JAKMIP1: variants seen among roughly 807,000 people sequenced by gnomAD.
JAKMIP1 encodes janus kinase and microtubule-interacting protein 1.
Under a neutral mutation model 113.0 loss-of-function variants are expected in JAKMIP1, and 33 were observed. That is an observed-to-expected ratio of 0.29 (90% CI 0.22 to 0.39). JAKMIP1 has a LOEUF of 0.39. JAKMIP1 is among the 10% of genes least tolerant of loss of function. The pLI, the probability that JAKMIP1 is intolerant of heterozygous loss-of-function variation, is 1.00. For synonymous variants in JAKMIP1, 480 were observed against 459.9 expected, an observed-to-expected ratio of 1.04 and a Z score of -0.56; for missense variants, 813 against 1,080.5, an observed-to-expected ratio of 0.75 and a Z score of 3.47.
intron 1 of JAKMIP1, among the ~76,000 whole-genome samples, chr4:6,165,798 C>T (rs187138941): frequency 2.6e-5 from 4 of 152,300 alleles, no homozygotes; most frequent in African/African-American, 9.6e-5. Context: ...TAAGGTCAGC[C>T]TGTACCACAA....
At chr4:6,029,900 C>A (rs997264087) in intron 19 of JAKMIP1, 119 bp from the exon 20 acceptor site, 2 of 721,160 alleles carry the variant, frequency 2.8e-6, no homozygotes, top group African/African-American at 1.8e-5. Flanking sequence ...CTGTGGGCAG[C>A]CTGATGAGCT....
chr4:6,132,353 A>G (rs1400385196), intron 1 of JAKMIP1, among the ~76,000 whole-genome samples: 2 of 152,208 alleles, frequency 1.3e-5, no homozygotes, highest in Non-Finnish European at 2.9e-5. Context: ...TTAAAACCAC[A>G]GAAGGCAGCT....
rs552477132 is a variant in JAKMIP1, at chr4:6,180,512, C to A, written c.-148+19741G>T. On this transcript the variant is annotated intron_variant, in intron 1 of 20. Coordinates refer to ENST00000409021, the MANE Select transcript of JAKMIP1 (RefSeq NM_001099433.2). This position sits in a 1 kb window ranked among gnomAD's most constrained non-coding sequence, Gnocchi z 4.5. ...CCATAACAACACAGACACCCCTCTCCCATCAGATAATTTACTACAATTCAA... is the reference window on the plus strand; with the variant it reads ...CCATAACAACACAGACACCCCTCTCACATCAGATAATTTACTACAATTCAA... 9.2e-5 allele frequency among the ~76,000 whole-genome samples: 14 copies of A among 152,296 alleles called. No individual in the cohort carries two copies. Among genetic ancestry groups the A allele is most frequent in the African/African-American group, 3.4e-4 (14 of 41,562 alleles).
chr4:6,191,442 G>A (rs1727246887), intron 1 of JAKMIP1, among the ~76,000 whole-genome samples: 1 of 152,248 alleles, frequency 6.6e-6, no homozygotes, highest in South Asian at 2.1e-4. Context: ...GTAAGCTGCT[G>A]TGGGCAAAGA....
chr4:6,033,202 G>C (rs888138609), intron 19 of JAKMIP1, among the ~76,000 whole-genome samples: 13 of 152,196 alleles, frequency 8.5e-5, no homozygotes, highest in African/African-American at 2.9e-4. Flanking sequence ...CTGGGCAGGG[G>C]ACATCACTGC....
At chr4:6,159,915 T>C (rs1049505806) in intron 1 of JAKMIP1, among the ~76,000 whole-genome samples, 4 of 152,322 alleles carry the variant, frequency 2.6e-5, no homozygotes, top group Admixed American at 1.3e-4. Context: ...TCATACCTGC[T>C]GTAGGGAAAG....
rs1297401199 is a variant in JAKMIP1, at chr4:6,081,043, G to A, written c.1101+566C>T. On this transcript the variant is annotated intron_variant, in intron 6 of 20. Transcript: ENST00000409021. The surrounding 1 kb of genome is among the most constrained non-coding windows in gnomAD (Gnocchi z 4.6). ...CATCTGCTACAGTGCAGACAGCAGAGCATGTGTGGTGACAGAGCCTCCGTC... is the reference window on the plus strand; with the variant it reads ...CATCTGCTACAGTGCAGACAGCAGAACATGTGTGGTGACAGAGCCTCCGTC... Among the ~76,000 whole-genome samples, 7 of 146,374 alleles carry A rather than the reference G, an allele frequency of 4.8e-5. No homozygotes were observed. The highest frequency in any genetic ancestry group is 1.6e-4 in the African/African-American group (6 of 37,954).
chr4:6,140,014 G>A lies in JAKMIP1; in HGVS notation c.-147-27017C>T, dbSNP rs890058894. ...CTGGATCTCAGACTTCCAGCCTCCAGAACTAAGAGACCATCCGTTTGTCTT... is the reference window on the plus strand; with the variant it reads ...CTGGATCTCAGACTTCCAGCCTCCAAAACTAAGAGACCATCCGTTTGTCTT... On this transcript the variant is annotated intron_variant, in intron 1 of 20. Coordinates refer to ENST00000409021, the MANE Select transcript of JAKMIP1 (RefSeq NM_001099433.2). This position sits in a 1 kb window ranked among gnomAD's most constrained non-coding sequence, Gnocchi z 9.4. 1.3e-5 allele frequency among the ~76,000 whole-genome samples: 2 copies of A among 152,066 alleles called. No homozygotes were observed. The highest frequency in any genetic ancestry group is 4.8e-5 in the African/African-American group (2 of 41,368).
In JAKMIP1 at chr4:6,142,883, G is replaced by A. The variant is rs1223735545; in HGVS notation, c.-147-29886C>T. ...AGGATGGAAAGGTTTAAGGGACATG[G>A]CCGGCAATGACAAAGCCCAGCCTGG... On this transcript the variant is annotated intron_variant, in intron 1 of 20. Transcript: ENST00000409021. The surrounding 1 kb of genome is among the most constrained non-coding windows in gnomAD (Gnocchi z 5.5). Among the ~76,000 whole-genome samples, 3 of 152,200 alleles carry A rather than the reference G, an allele frequency of 2.0e-5. No homozygotes were observed. In the South Asian group the frequency reaches 6.2e-4, roughly 32 times the overall value.
chr4:6,129,087 C>G lies in JAKMIP1; in HGVS notation c.-147-16090G>C, dbSNP rs771072117. Among the ~76,000 whole-genome samples the G allele has an allele frequency of 6.6e-6, 1 of 152,222 alleles. No homozygotes were observed. The highest frequency in any genetic ancestry group is 2.4e-5 in the African/African-American group (1 of 41,454). ...AGGTGACAGTACCCCTGGGAGCCCT[C>G]TTTGGATGCCTGCTGGATGATGAAG... is the stretch of plus-strand genomic sequence containing the variant. On this transcript the variant is annotated intron_variant, in intron 1 of 20. Coordinates refer to ENST00000409021, the MANE Select transcript of JAKMIP1 (RefSeq NM_001099433.2). The surrounding 1 kb of genome is among the most constrained non-coding windows in gnomAD (Gnocchi z 5.4).
chr4:6,134,242 A>C (rs1272338950), intron 1 of JAKMIP1, among the ~76,000 whole-genome samples: 3 of 152,186 alleles, frequency 2.0e-5, no homozygotes, highest in African/African-American at 4.8e-5. Context: ...CCCTTCCACC[A>C]TGATTGTAAG....
In JAKMIP1 at chr4:6,094,680, A is replaced by G. The variant is rs1259201345; in HGVS notation, c.625-9051T>C. Among the ~76,000 whole-genome samples, 1 of 152,228 alleles carries G rather than the reference A, an allele frequency of 6.6e-6. No homozygotes were observed. The highest frequency in any genetic ancestry group is 1.5e-5 in the Non-Finnish European group (1 of 68,040). ...AAGTTTTAACTCTTATTAGGAAAGGAATGCAGATCCATTATAGAAAATGAA... is the reference window on the plus strand; with the variant it reads ...AAGTTTTAACTCTTATTAGGAAAGGGATGCAGATCCATTATAGAAAATGAA... On this transcript the variant is annotated intron_variant, in intron 3 of 20. Coordinates refer to ENST00000409021, the MANE Select transcript of JAKMIP1 (RefSeq NM_001099433.2). The surrounding 1 kb of genome is among the most constrained non-coding windows in gnomAD (Gnocchi z 4.2).
chr4:6,060,481 C>A lies in JAKMIP1; in HGVS notation c.1587G>T (p.Leu529=). ...CTTCGATTTTGGCCTGACACCTCAGCAGATCAGCTTGTAGCTGCTCCCGAG... is the reference window on the plus strand; with the variant it reads ...CTTCGATTTTGGCCTGACACCTCAGAAGATCAGCTTGTAGCTGCTCCCGAG... The part of the protein sequence containing the change: ...ARTREQLQAD[L]LRCQAKIEDL... The change falls in exon 11 of 21, where the codon CTG becomes CTT. Residue 529 remains leucine, a synonymous_variant. Transcript: ENST00000409021. 1 of 1,614,162 alleles carries A rather than the reference C, an allele frequency of 6.2e-7. No individual in the cohort carries two copies. The highest frequency in any genetic ancestry group is 8.5e-7 in the Non-Finnish European group (1 of 1,180,002).
rs885420 is a variant in JAKMIP1, at chr4:6,184,089, A to C, written c.-148+16164T>G. Among the ~76,000 whole-genome samples, 55,733 of 152,152 alleles carry C rather than the reference A, an allele frequency of 0.37. 12,181 individuals carry two copies. The highest frequency in any genetic ancestry group is 0.74 in the East Asian group (3,817 of 5,170). On this transcript the variant is annotated intron_variant, in intron 1 of 20. Coordinates refer to ENST00000409021, the MANE Select transcript of JAKMIP1 (RefSeq NM_001099433.2). The surrounding 1 kb of genome is among the most constrained non-coding windows in gnomAD (Gnocchi z 4.5). ...TTAAAGTCATAAGATAAATGTGAGA[A>C]TAAACCATCACTTCTCTGTTTTGTA... is the stretch of plus-strand genomic sequence containing the variant.
Position 6,069,342 on chromosome 4 carries a change from AT to A in JAKMIP1, c.1303-4335del, listed in dbSNP as rs1718621568. ...GAGCAAAAATGTCCACCATTTGCTC[AT>A]TCTGAGCCCATCTACTGAATAAAAA... On this transcript the variant is annotated intron_variant, in intron 8 of 20. Transcript: ENST00000409021. The surrounding 1 kb of genome is among the most constrained non-coding windows in gnomAD (Gnocchi z 4.5). Among the ~76,000 whole-genome samples, 1 of 152,258 alleles carries A rather than the reference AT, an allele frequency of 6.6e-6. No individual in the cohort carries two copies. Among genetic ancestry groups the A allele is most frequent in the Non-Finnish European group, 1.5e-5 (1 of 68,044 alleles).
At position 6,150,785 on chromosome 4, in the gene JAKMIP1, A is replaced by T. The variant is rs866123226; in HGVS notation, c.-147-37788T>A. Among the ~76,000 whole-genome samples, 2 of 152,324 alleles carry T rather than the reference A, an allele frequency of 1.3e-5. No individual in the cohort carries two copies. The highest frequency in any genetic ancestry group is 2.1e-4 in the South Asian group (1 of 4,822). The stretch of plus-strand genomic sequence containing the variant: ...AGCTTCCTAGACCATGGCGGGAAGA[A>T]GAAAACAGGCAAGAAATTTCCGCAT... On this transcript the variant is annotated intron_variant, in intron 1 of 20. Transcript: ENST00000409021. This position sits in a 1 kb window ranked among gnomAD's most constrained non-coding sequence, Gnocchi z 4.8.
At chr4:6,038,132 T>A (rs1258516116) in intron 18 of JAKMIP1, among the ~76,000 whole-genome samples, 3 of 127,780 alleles carry the variant, frequency 2.3e-5, no homozygotes, top group Non-Finnish European at 1.6e-5. Context: ...TAGCCCTCCA[T>A]CACTGAGGCA....
chr4:6,110,091 C>G (rs780292517), intron 2 of JAKMIP1, among the ~76,000 whole-genome samples: 7 of 152,174 alleles, frequency 4.6e-5, no homozygotes, highest in Non-Finnish European at 1.0e-4. Flanking sequence ...ACCTACTGTG[C>G]TGGCCTCGTG....
chr4:6,123,982 C>T (rs1194448596), intron 1 of JAKMIP1, among the ~76,000 whole-genome samples: 4 of 152,296 alleles, frequency 2.6e-5, no homozygotes, highest in East Asian at 3.9e-4. Context: ...TTCCATGAGG[C>T]GTATCAATAA....
Sources: gnomAD v4.1 joint callset for allele counts (sites outside exome capture counted in the v4.1 genomes callset) on GRCh38, gnomAD v4.1.1 for gene constraint, Gnocchi (gnomAD v3.1) non-coding constraint, MANE v1.5 for transcripts, NCBI Gene and HGNC (gene_info 2026-07-23, HGNC 2026-07-21) for gene names.